The following HUNK variants were observed in gnomAD, a reference collection of about 807,000 sequenced individuals.
HUNK encodes hormonally up-regulated neu tumor-associated kinase.
A neutral mutation model predicts 61.0 loss-of-function variants in HUNK; 21 were observed. The ratio of observed to expected loss-of-function variants is 0.34; its 90% CI spans 0.24 to 0.50. The LOEUF (loss-of-function observed/expected upper bound fraction) is 0.50. Ranked by LOEUF, HUNK falls within the 20% of genes least tolerant of loss-of-function variation. The pLI is 0.98. For missense variants in HUNK, 772 were observed against 945.7 expected (o/e 0.82, Z 2.41); for synonymous variants, 371 against 386.1 (o/e 0.96, Z 0.46).
chr21:31,962,238 A>G (rs2052934232), intron 5 of HUNK, among the ~76,000 whole-genome samples: 1 of 152,242 alleles, frequency 6.6e-6, no homozygotes, highest in Admixed American at 6.5e-5. Flanking sequence ...TGAAAGTGAA[A>G]AGCCAGAAAT....
intron 4 of HUNK, among the ~76,000 whole-genome samples, chr21:31,951,195 T>A (rs1234424777): frequency 6.7e-6 from 1 of 149,714 alleles, no homozygotes; most frequent in African/African-American, 2.4e-5. Flanking sequence ...TGTATAAATA[T>A]ATATATATAT....
intron 2 of HUNK, among the ~76,000 whole-genome samples, chr21:31,939,717 G>GTTT (rs369967151): frequency 1.2e-3 from 151 of 130,468 alleles, no homozygotes; most frequent in African/African-American, 3.9e-3. Flanking sequence ...CTCATGTGTT[G>GTTT]TTTTTTTTTT....
chr21:31,907,283 A>G (rs993770401), intron 1 of HUNK, among the ~76,000 whole-genome samples: 12 of 152,224 alleles, frequency 7.9e-5, no homozygotes, highest in Non-Finnish European at 1.8e-4. Flanking sequence ...AATGCAAAAT[A>G]TCTCCTTAAG....
intron 1 of HUNK, among the ~76,000 whole-genome samples, chr21:31,885,164 G>A (rs2052337121): frequency 1.3e-5 from 2 of 152,194 alleles, no homozygotes; most frequent in South Asian, 4.1e-4. Context: ...CAGTGGTTGA[G>A]AAGAAAGAGA....
intron 4 of HUNK, 103 bp from the exon 5 acceptor site, chr21:31,958,740 G>A: frequency 9.1e-7 from 1 of 1,104,712 alleles, no homozygotes. Flanking sequence ...GTTGAGGTTG[G>A]CATGGAAGCA....
Position 31,873,981 on chromosome 21 carries a change from C to T in HUNK, c.261+46C>T, listed in dbSNP as rs781388640. 7.2e-5 allele frequency: 99 copies of T among 1,380,722 alleles called. 1 individual carries two copies. The South Asian group carries it at 1.4e-3, about 20-fold the overall frequency. 85.5% of individuals were successfully genotyped at this position (1,380,722 alleles called of 1,614,324 possible). A position where few individuals can be genotyped will look rare whatever the true frequency, so the allele number is the denominator to read the frequency against. ...GGGGCTGGGGCACAGGGGCGGGAGT[C>T]GGCGGCCAGGACCCCGCGGGGAGCA... On this transcript the variant is annotated intron_variant, in intron 1 of 10. Coordinates refer to ENST00000270112, the MANE Select transcript of HUNK (RefSeq NM_014586.2). The surrounding 1 kb of genome is among the most constrained non-coding windows in gnomAD (Gnocchi z 6.1).
chr21:32,002,956 T>A lies in HUNK; in HGVS notation c.*3772T>A, dbSNP rs549949914. 1 of 152,288 alleles carries A rather than the reference T, an allele frequency of 6.6e-6. No individual in the cohort carries two copies. Among genetic ancestry groups the A allele is most frequent in the Non-Finnish European group, 1.5e-5 (1 of 68,016 alleles). The allele number at this position is 152,288 out of a possible 1,614,324, so 9.4% of individuals were successfully genotyped here. A position where few individuals can be genotyped will look rare whatever the true frequency, so the allele number is the denominator to read the frequency against. On this transcript the variant is annotated 3_prime_UTR_variant, in exon 11 of 11. Transcript: ENST00000270112. ...TTGTAAGAATCCCAACACTTTAGAA[T>A]AGAAAAGGACCTAAGATTCTCTGGC... is the stretch of plus-strand genomic sequence containing the variant.
intron 1 of HUNK, among the ~76,000 whole-genome samples, chr21:31,876,380 T>C (rs1297308658): frequency 6.6e-6 from 1 of 152,244 alleles, no homozygotes; most frequent in East Asian, 1.9e-4. Context: ...GAAACAATGG[T>C]GTCATTCATA....
chr21:31,940,980 C>G lies in HUNK; in HGVS notation c.610+760C>G, dbSNP rs117140877. On this transcript the variant is annotated intron_variant, in intron 3 of 10. Coordinates refer to ENST00000270112, the MANE Select transcript of HUNK (RefSeq NM_014586.2). ...TTATATGAGGGGAAAAGAGAAGGAT[C>G]AATAGGACTTTGTGAATTTAACTTT... Among the ~76,000 whole-genome samples, 563 of 152,262 alleles carry G rather than the reference C, an allele frequency of 3.7e-3. 3 individuals carry two copies. Among genetic ancestry groups the G allele is most frequent in the Non-Finnish European group, 6.0e-3 (411 of 68,020 alleles).
intron 2 of HUNK, among the ~76,000 whole-genome samples, chr21:31,933,343 T>A (rs1568928655): frequency 6.6e-6 from 1 of 152,138 alleles, no homozygotes; most frequent in Non-Finnish European, 1.5e-5. Context: ...CCTTCACATT[T>A]GTTCTCAGTT....
intron 1 of HUNK, among the ~76,000 whole-genome samples, chr21:31,894,590 T>G (rs2052413178): frequency 6.6e-6 from 1 of 152,136 alleles, no homozygotes; most frequent in African/African-American, 2.4e-5. Flanking sequence ...AGCTGTGCCT[T>G]GCCAGACCAA....
chr21:31,936,756 A>T (rs1046158938), intron 2 of HUNK, among the ~76,000 whole-genome samples: 10 of 150,888 alleles, frequency 6.6e-5, no homozygotes, highest in African/African-American at 2.4e-4. Flanking sequence ...ATTTTCTCTT[A>T]TTTTTGGTCT....
intron 1 of HUNK, among the ~76,000 whole-genome samples, chr21:31,903,340 T>G (rs867843530): frequency 2.2e-4 from 34 of 152,216 alleles, no homozygotes; most frequent in Admixed American, 3.3e-4. Flanking sequence ...CTAGAAATAA[T>G]TCTTTTATTG....
intron 1 of HUNK, among the ~76,000 whole-genome samples, chr21:31,913,774 G>A (rs2123808308): frequency 6.6e-6 from 1 of 152,022 alleles, no homozygotes; most frequent in South Asian, 2.1e-4. Flanking sequence ...TAGAACCTCA[G>A]GGAGGCTACT....
chr21:31,953,589 C>T (rs1053680564), intron 4 of HUNK, among the ~76,000 whole-genome samples: 1 of 152,184 alleles, frequency 6.6e-6, no homozygotes, highest in African/African-American at 2.4e-5. Flanking sequence ...CTTTTTCCCT[C>T]TTATTTTAAG....
chr21:31,915,917 G>GAACT, intron 1 of HUNK, among the ~76,000 whole-genome samples: 1 of 152,144 alleles, frequency 6.6e-6, no homozygotes, highest in East Asian at 1.9e-4. Flanking sequence ...TTCCTTAGCT[G>GAACT]AACTGAGCTT....
At chr21:31,902,145 G>A (rs576151351) in intron 1 of HUNK, among the ~76,000 whole-genome samples, 1 of 152,254 alleles carries the variant, frequency 6.6e-6, no homozygotes, top group Admixed American at 6.5e-5. Flanking sequence ...ACTCCCACAA[G>A]CCCTACGAGG....
chr21:31,994,277 G>A (rs1033139286), intron 9 of HUNK, among the ~76,000 whole-genome samples: 10 of 152,196 alleles, frequency 6.6e-5, no homozygotes, highest in African/African-American at 2.2e-4. Context: ...CTAGAGAGCT[G>A]TAGCCCCTCA....
chr21:31,946,355 C>CA (rs2052803263), intron 4 of HUNK, among the ~76,000 whole-genome samples, 184 bp downstream of exon 4: 1 of 152,114 alleles, frequency 6.6e-6, no homozygotes, highest in African/African-American at 2.4e-5. Context: ...CACAAACTGT[C>CA]AGAGTGGCCT....
Sources: allele counts gnomAD v4.1 joint callset (sites outside exome capture counted in the v4.1 genomes callset), GRCh38; gene constraint gnomAD v4.1.1; non-coding constraint Gnocchi (gnomAD v3.1); transcripts MANE v1.5; gene names NCBI Gene and HGNC (gene_info 2026-07-23, HGNC 2026-07-21).